NEGR1: variants seen among roughly 807,000 people sequenced by gnomAD.
The protein encoded by NEGR1 is neuronal growth regulator 1.
NEGR1 carries 10 observed loss-of-function variants against 40.9 expected under a neutral mutation model. That is an observed-to-expected ratio of 0.24 (90% CI 0.15 to 0.42). The LOEUF is 0.42. Ranked by LOEUF, NEGR1 falls within the 10% of genes least tolerant of loss-of-function variation. NEGR1 has a pLI of 1.00. For synonymous variants in NEGR1, 185 were observed against 166.8 expected (o/e 1.11, Z -0.84); for missense variants, 352 against 438.9 (o/e 0.80, Z 1.77).
intron 6 of NEGR1, among the ~76,000 whole-genome samples, chr1:71,498,385 T>C (rs1362373240): frequency 6.6e-6 from 1 of 152,004 alleles, no homozygotes; most frequent in Non-Finnish European, 1.5e-5. Context: ...AAGCCGGGTT[T>C]CCAATTATCA....
chr1:72,026,195 CTCTACCTG>C (rs946914881), intron 1 of NEGR1, among the ~76,000 whole-genome samples: 19 of 149,244 alleles, frequency 1.3e-4, no homozygotes, highest in African/African-American at 3.4e-4. Context: ...ATTATCCCTG[CTCTACCTG>C]TGAAGTGGTT....
intron 1 of NEGR1, among the ~76,000 whole-genome samples, chr1:72,156,821 TG>T (rs1412593419): frequency 6.6e-6 from 1 of 152,214 alleles, no homozygotes; most frequent in African/African-American, 2.4e-5. Flanking sequence ...TTTGTATTAC[TG>T]TCTGCTTTTT....
At chr1:71,532,634 A>G (rs1647390980) in intron 6 of NEGR1, among the ~76,000 whole-genome samples, 1 of 151,606 alleles carries the variant, frequency 6.6e-6, no homozygotes, top group African/African-American at 2.4e-5. Context: ...ACACATATTT[A>G]CCGCATATGC....
chr1:71,929,035 G>T (rs1645829260), intron 2 of NEGR1, among the ~76,000 whole-genome samples: 1 of 151,996 alleles, frequency 6.6e-6, no homozygotes, highest in African/African-American at 2.4e-5. Context: ...AAATATTTGA[G>T]ATCACTTTTA....
chr1:71,551,013 A>T (rs1254609826), intron 6 of NEGR1, among the ~76,000 whole-genome samples: 3 of 151,604 alleles, frequency 2.0e-5, no homozygotes, highest in Non-Finnish European at 4.4e-5. Context: ...TTAGTATAAT[A>T]TAGTATGGTA....
intron 1 of NEGR1, among the ~76,000 whole-genome samples, chr1:72,059,741 T>C (rs1647149271): frequency 6.6e-6 from 1 of 151,720 alleles, no homozygotes; most frequent in Non-Finnish European, 1.5e-5. Flanking sequence ...TGCATATTAA[T>C]ATTATCCATG....
intron 1 of NEGR1, among the ~76,000 whole-genome samples, chr1:72,192,348 A>C (rs1652848168): frequency 6.6e-6 from 1 of 151,842 alleles, no homozygotes; most frequent in Non-Finnish European, 1.5e-5. Flanking sequence ...GCAAAAAGGC[A>C]CTGCTCAGAG....
At chr1:72,046,794 A>G (rs1569873847) in intron 1 of NEGR1, among the ~76,000 whole-genome samples, 2 of 151,832 alleles carry the variant, frequency 1.3e-5, no homozygotes, top group East Asian at 1.9e-4. Flanking sequence ...ACACTAATTC[A>G]AAGTACGTAA....
At chr1:72,051,848 G>C (rs1647064912) in intron 1 of NEGR1, among the ~76,000 whole-genome samples, 1 of 151,456 alleles carries the variant, frequency 6.6e-6, no homozygotes. Flanking sequence ...CCAGGGTCTT[G>C]AATCACTGCC....
At chr1:71,960,150 A>C (rs1383453674) in intron 1 of NEGR1, among the ~76,000 whole-genome samples, 1 of 152,182 alleles carries the variant, frequency 6.6e-6, no homozygotes, top group Non-Finnish European at 1.5e-5. Flanking sequence ...AAGCTTAAAA[A>C]AATGGACTAT....
intron 2 of NEGR1, among the ~76,000 whole-genome samples, chr1:71,797,351 T>C (rs953432015): frequency 2.0e-5 from 3 of 152,152 alleles, no homozygotes; most frequent in Non-Finnish European, 2.9e-5. Context: ...TGCTGCTTGC[T>C]CACAAGGATC....
At chr1:71,667,710 A>G (rs1163799463) in intron 4 of NEGR1, among the ~76,000 whole-genome samples, 2 of 152,352 alleles carry the variant, frequency 1.3e-5, no homozygotes, top group South Asian at 2.1e-4. Flanking sequence ...TGAATTTAGT[A>G]TAGCAAAATT....
At chr1:72,099,295 T>C (rs1404919247) in intron 1 of NEGR1, among the ~76,000 whole-genome samples, 2 of 151,982 alleles carry the variant, frequency 1.3e-5, no homozygotes, top group African/African-American at 4.8e-5. Context: ...AAGAATACAA[T>C]TGCTTTTCCT....
chr1:71,953,828 C>CT (rs35282053), intron 1 of NEGR1, among the ~76,000 whole-genome samples: 2 of 151,744 alleles, frequency 1.3e-5, no homozygotes, highest in Admixed American at 6.6e-5. Flanking sequence ...AAGTGATATA[C>CT]TTTTTTTTAG....
intron 1 of NEGR1, among the ~76,000 whole-genome samples, chr1:72,136,978 A>C (rs1020198966): frequency 3.3e-5 from 5 of 152,214 alleles, no homozygotes; most frequent in African/African-American, 1.2e-4. Context: ...TTATGCAGCC[A>C]ACAAACTTAT....
At chr1:71,452,089 C>T (rs1274123805) in intron 6 of NEGR1, among the ~76,000 whole-genome samples, 1 of 152,172 alleles carries the variant, frequency 6.6e-6, no homozygotes, top group Non-Finnish European at 1.5e-5. Flanking sequence ...AAGAGTAGTT[C>T]CTGATACTTG....
rs571472302 is a variant in NEGR1 at position 71,847,735 on chromosome 1, C to A, written c.410-71438G>T. On this transcript the variant is annotated intron_variant, in intron 2 of 6. Coordinates refer to ENST00000357731, the MANE Select transcript of NEGR1 (RefSeq NM_173808.3). ...TAGGCCACTTAATACCCTACAATGA[C>A]CTCTAAGTATTAAAGTAAAAGGAAG... Among the ~76,000 whole-genome samples the A allele has an allele frequency of 9.9e-5, 15 of 152,190 alleles. 1 individual carries two copies. The East Asian group carries it at 2.5e-3, about 26-fold the overall frequency.
At chr1:71,879,431 G>A (rs1252667845) in intron 2 of NEGR1, among the ~76,000 whole-genome samples, 4 of 152,114 alleles carry the variant, frequency 2.6e-5, no homozygotes, top group Non-Finnish European at 5.9e-5. Flanking sequence ...AACAATACAT[G>A]CCAGCATAGT....
chr1:72,200,778 A>G (rs1164622622), intron 1 of NEGR1, among the ~76,000 whole-genome samples: 1 of 151,996 alleles, frequency 6.6e-6, no homozygotes, highest in Non-Finnish European at 1.5e-5. Flanking sequence ...TTCCACTCCA[A>G]TGTAAGATTG....
Sources: allele counts gnomAD v4.1 joint callset (sites outside exome capture counted in the v4.1 genomes callset), GRCh38; gene constraint gnomAD v4.1.1; transcripts MANE v1.5; gene names NCBI Gene and HGNC (gene_info 2026-07-23, HGNC 2026-07-21).